The following RBMS3 variants were observed in gnomAD, a reference collection of about 807,000 sequenced individuals.
The protein encoded by RBMS3 is RNA binding motif single stranded interacting protein 3, also known as RNA-binding motif, single-stranded-interacting protein 3.
A neutral mutation model predicts 66.8 loss-of-function variants in RBMS3; 27 were observed. That is an observed-to-expected ratio of 0.40 (90% CI 0.30 to 0.56). The LOEUF is 0.56. Among genes scored for constraint, RBMS3 ranks in the 20% least tolerant of loss-of-function variants. RBMS3 has a pLI of 0.40. For synonymous variants in RBMS3, 188 were observed against 183.0 expected, an observed-to-expected ratio of 1.03 and a Z score of -0.22; for missense variants, 513 against 549.5, an observed-to-expected ratio of 0.93 and a Z score of 0.66.
chr3:29,871,171 G>A (rs1043948947), intron 7 of RBMS3, among the ~76,000 whole-genome samples: 15 of 152,228 alleles, frequency 9.9e-5, no homozygotes, highest in Admixed American at 5.2e-4. Flanking sequence ...TAAGACACAT[G>A]TTTTTGTTGT....
chr3:29,532,234 T>TCG (rs2045377676), intron 3 of RBMS3, among the ~76,000 whole-genome samples: 2 of 117,890 alleles, frequency 1.7e-5, no homozygotes, highest in African/African-American at 3.2e-5. Context: ...TATTTTAATT[T>TCG]CGCATATATA....
rs976722862 is a variant in RBMS3 at position 29,319,464 on chromosome 3, T to G, written c.75+37708T>G. ...CAACTTCCCCTTTATCTGTACTGGT[T>G]TGACTGTATAGAAAAAGATGCAGAA... On this transcript the variant is annotated intron_variant, in intron 1 of 14. Coordinates refer to ENST00000383767, the MANE Select transcript of RBMS3 (RefSeq NM_001003793.3). Among the ~76,000 whole-genome samples, 4 of 152,096 alleles carry G rather than the reference T, an allele frequency of 2.6e-5. 1 individual carries two copies. The East Asian group carries it at 7.8e-4, about 30-fold the overall frequency.
intron 6 of RBMS3, among the ~76,000 whole-genome samples, chr3:29,829,370 G>A (rs1479930957): frequency 1.3e-5 from 2 of 152,072 alleles, no homozygotes; most frequent in East Asian, 3.9e-4. Flanking sequence ...AGTCTACAAT[G>A]TTCACTTGGA....
intron 10 of RBMS3, among the ~76,000 whole-genome samples, chr3:29,933,438 CCAGA>C (rs2061182527): frequency 6.6e-6 from 1 of 151,724 alleles, no homozygotes; most frequent in African/African-American, 2.4e-5. Context: ...GTTGTCTGTC[CCAGA>C]CAAAGTATCA....
At chr3:29,297,463 T>C (rs2033354561) in intron 1 of RBMS3, among the ~76,000 whole-genome samples, 1 of 151,910 alleles carries the variant, frequency 6.6e-6, no homozygotes, top group African/African-American at 2.4e-5. Flanking sequence ...TCAATGCTAT[T>C]CATTGAAACA....
At chr3:29,708,198 C>T (rs114608072) in intron 4 of RBMS3, among the ~76,000 whole-genome samples, 1 of 152,146 alleles carries the variant, frequency 6.6e-6, no homozygotes, top group East Asian at 1.9e-4. Flanking sequence ...TCCAAAGCAA[C>T]CTTGCTTTAG....
chr3:29,929,182 C>G (rs754839859), intron 10 of RBMS3, among the ~76,000 whole-genome samples: 1 of 152,122 alleles, frequency 6.6e-6, no homozygotes, highest in Non-Finnish European at 1.5e-5. Flanking sequence ...AACAAAATCC[C>G]TTTGACCGTA....
chr3:29,878,796 C>A (rs550346892), intron 7 of RBMS3, among the ~76,000 whole-genome samples: 2 of 152,190 alleles, frequency 1.3e-5, no homozygotes, highest in South Asian at 4.1e-4. Context: ...AATTCCAGTG[C>A]TTTGGGAGGC....
At chr3:29,989,317 TGGTAAAACA>T (rs1350094980) in intron 13 of RBMS3, among the ~76,000 whole-genome samples, 4 of 152,148 alleles carry the variant, frequency 2.6e-5, no homozygotes, top group African/African-American at 9.7e-5. Context: ...ATGCAGATGG[TGGTAAAACA>T]CTTAGGTACC....
At position 30,006,068 on chromosome 3, in the gene RBMS3, A is replaced by T. The variant is rs1357335414; in HGVS notation, c.*2206A>T. 1 of 151,898 alleles carries T rather than the reference A, an allele frequency of 6.6e-6. No individual in the cohort carries two copies. The highest frequency in any genetic ancestry group is 2.4e-5 in the African/African-American group (1 of 41,406). The allele number at this position is 151,898 out of a possible 1,614,324, so 9.4% of individuals were successfully genotyped here. A position where few individuals can be genotyped will look rare whatever the true frequency, so the allele number is the denominator to read the frequency against. On this transcript the variant is annotated 3_prime_UTR_variant, in exon 15 of 15. Coordinates refer to ENST00000383767, the MANE Select transcript of RBMS3 (RefSeq NM_001003793.3). ...TGGAATAGAATTTGTTAAGTGAACC[A>T]TTCACTAGATTGCTTTCTGAATGAA...
At chr3:29,338,263 A>G (rs1385481664) in intron 1 of RBMS3, among the ~76,000 whole-genome samples, 1 of 152,196 alleles carries the variant, frequency 6.6e-6, no homozygotes, top group African/African-American at 2.4e-5. Context: ...AATATCACAA[A>G]TGAGGCTTAG....
intron 1 of RBMS3, among the ~76,000 whole-genome samples, chr3:29,305,393 G>A (rs2033939119): frequency 6.6e-6 from 1 of 151,830 alleles, no homozygotes; most frequent in Non-Finnish European, 1.5e-5. Context: ...TGTATCCCAA[G>A]AGCTGAGAAC....
chr3:29,474,726 C>A (rs1453845530), intron 2 of RBMS3, among the ~76,000 whole-genome samples: 1 of 152,126 alleles, frequency 6.6e-6, no homozygotes, highest in African/African-American at 2.4e-5. Flanking sequence ...GCTTTTAATT[C>A]AGCTAAAAGA....
At chr3:29,504,807 A>G (rs1014285809) in intron 3 of RBMS3, among the ~76,000 whole-genome samples, 1 of 151,854 alleles carries the variant, frequency 6.6e-6, no homozygotes, top group Non-Finnish European at 1.5e-5. Context: ...TTGATAGCTC[A>G]TTGTGGATTT....
At chr3:29,949,502 A>AT (rs749302085) in intron 12 of RBMS3, among the ~76,000 whole-genome samples, 41 of 151,928 alleles carry the variant, frequency 2.7e-4, no homozygotes, top group African/African-American at 9.4e-4. Flanking sequence ...TAATCAATTT[A>AT]TTTTTATAGG....
Position 29,650,045 on chromosome 3 carries a change from T to G in RBMS3, c.399+62840T>G, listed in dbSNP as rs535722892. ...AATTGTGGTGAGCAAGTCAGGAAGA[T>G]CAACATTTCAGAGACTGTCCAGAGA... On this transcript the variant is annotated intron_variant, in intron 4 of 14. Coordinates refer to ENST00000383767, the MANE Select transcript of RBMS3 (RefSeq NM_001003793.3). 2.6e-5 allele frequency among the ~76,000 whole-genome samples: 4 copies of G among 152,284 alleles called. No individual in the cohort carries two copies. In the East Asian group the frequency reaches 7.7e-4, roughly 29 times the overall value.
intron 7 of RBMS3, among the ~76,000 whole-genome samples, chr3:29,875,975 C>A (rs977417195): frequency 6.6e-6 from 1 of 152,104 alleles, no homozygotes; most frequent in African/African-American, 2.4e-5. Flanking sequence ...AATATTAAGA[C>A]CCCTTTGATG....
At chr3:29,980,617 T>A (rs533826680) in intron 12 of RBMS3, among the ~76,000 whole-genome samples, 21 of 152,316 alleles carry the variant, frequency 1.4e-4, no homozygotes, top group African/African-American at 5.1e-4. Flanking sequence ...GTATAAGGTG[T>A]AAGGAGGGGG....
At chr3:29,999,518 G>GCCC (rs1699472764) in intron 14 of RBMS3, among the ~76,000 whole-genome samples, 1 of 151,488 alleles carries the variant, frequency 6.6e-6, no homozygotes, top group Non-Finnish European at 1.5e-5. Flanking sequence ...CAACCTAAAT[G>GCCC]TCCAAATAGT....
Sources: allele counts gnomAD v4.1 joint callset (sites outside exome capture counted in the v4.1 genomes callset), GRCh38; gene constraint gnomAD v4.1.1; transcripts MANE v1.5; gene names NCBI Gene and HGNC (gene_info 2026-07-23, HGNC 2026-07-21).